PTPN22: variants seen among roughly 807,000 people sequenced by gnomAD.
The protein encoded by PTPN22 is protein tyrosine phosphatase non-receptor type 22.
A neutral mutation model predicts 103.3 loss-of-function variants in PTPN22; 85 were observed. That is an observed-to-expected ratio of 0.82 (90% CI 0.69 to 0.99). PTPN22 has a LOEUF of 0.99. Among genes scored for constraint, PTPN22 ranks in the 50% least tolerant of loss-of-function variants. PTPN22 has a pLI of 0.00. For missense variants in PTPN22, 865 were observed against 936.9 expected (o/e 0.92, Z 1.00); for synonymous variants, 323 against 310.2 (o/e 1.04, Z -0.43).
Position 113,855,059 on chromosome 1 carries a change from G to T in PTPN22, c.541-10C>A. ...AGATAGTTCGAGTTTCCTATAAAAA[G>T]TAGCCAGATGGGAGGGGAAGAGGGG... On this transcript the variant is annotated splice_polypyrimidine_tract_variant and intron_variant, in intron 7 of 20. Transcript: ENST00000359785. The T allele has an allele frequency of 2.5e-6, 4 of 1,604,080 alleles. No homozygotes were observed. Among genetic ancestry groups the T allele is most frequent in the Non-Finnish European group, 3.4e-6 (4 of 1,171,338 alleles).
chr1:113,831,765 C>T (rs1245775211), intron 16 of PTPN22, among the ~76,000 whole-genome samples: 1 of 152,154 alleles, frequency 6.6e-6, no homozygotes, highest in African/African-American at 2.4e-5. Flanking sequence ...TTCCCAGACT[C>T]CTGGTGATTA....
intron 7 of PTPN22, among the ~76,000 whole-genome samples, chr1:113,855,252 TG>T (rs1447519047): frequency 6.6e-6 from 1 of 152,132 alleles, no homozygotes; most frequent in Admixed American, 6.5e-5. Context: ...CCTAGCACTT[TG>T]GGAGGCCGAA....
intron 5 of PTPN22, 73 bp downstream of exon 5, chr1:113,857,665 C>T: frequency 7.1e-7 from 1 of 1,416,978 alleles, no homozygotes; most frequent in Non-Finnish European, 9.9e-7. Flanking sequence ...CAGGTAAGTT[C>T]TGCTGCCAAT....
Position 113,859,529 on chromosome 1 carries a change from T to C in PTPN22, c.88-69A>G, listed in dbSNP as rs900232523. 9 of 1,270,496 alleles carry C rather than the reference T, an allele frequency of 7.1e-6. No individual in the cohort carries two copies. In the African/African-American group the frequency reaches 1.4e-4, roughly 20 times the overall value. The allele number at this position is 1,270,496 out of a possible 1,614,324, so 78.7% of individuals were successfully genotyped here. A position where few individuals can be genotyped will look rare whatever the true frequency, so the allele number is the denominator to read the frequency against. The stretch of plus-strand genomic sequence containing the variant: ...AGGTAAGAAGCTATCTCTAAAGAGC[T>C]TTCCTTTTCCACTGGCAAAACATTC... On this transcript the variant is annotated intron_variant, in intron 1 of 20. Transcript: ENST00000359785.
rs551330979 is a variant in PTPN22 at position 113,829,656 on chromosome 1, A to G, written c.2186T>C (p.Met729Thr). ...CTGTTTTGAAGATGTTGAATTTTCC[A>G]TGGTGTCAGGATAGCTAGTAGAATA... The change falls in exon 18 of 21, where the codon ATG becomes ACG. Residue 729 changes from methionine to threonine, a missense_variant. Physicochemically the swap from Met to Thr is moderately conservative, Grantham distance 81. This residue lies in a region of PTPN22 where 401 missense variants were observed against 388.6 expected (regional missense o/e 1.03). Transcript: ENST00000359785. 42 of 1,610,012 alleles carry G rather than the reference A, an allele frequency of 2.6e-5. No individual in the cohort carries two copies. The South Asian group carries it at 4.4e-4, about 17-fold the overall frequency.
intron 7 of PTPN22, among the ~76,000 whole-genome samples, chr1:113,855,642 A>G (rs1664990189): frequency 6.6e-6 from 1 of 152,156 alleles, no homozygotes; most frequent in Non-Finnish European, 1.5e-5. Context: ...TCCTTTTTGA[A>G]ATTTATTCCG....
At position 113,824,263 on chromosome 1, in the gene PTPN22, G is replaced by A. The variant is rs910098676; in HGVS notation, c.2281+879C>T. 7.9e-5 allele frequency among the ~76,000 whole-genome samples: 12 copies of A among 152,088 alleles called. No homozygotes were observed. The South Asian group carries it at 1.9e-3, about 24-fold the overall frequency. On this transcript the variant is annotated intron_variant, in intron 19 of 20. Transcript: ENST00000359785. ...ACTACAGGTGCATGCCACCACACCCGGCTAATTTTTGTATTTTTAGTAGAG... is the reference window on the plus strand; with the variant it reads ...ACTACAGGTGCATGCCACCACACCCAGCTAATTTTTGTATTTTTAGTAGAG...
intron 20 of PTPN22, among the ~76,000 whole-genome samples, chr1:113,818,469 A>G (rs1342660242): frequency 6.6e-6 from 1 of 152,086 alleles, no homozygotes; most frequent in Non-Finnish European, 1.5e-5. Context: ...AGCCTAAATT[A>G]TAACTTTTTA....
At chr1:113,829,552 A>G (rs747783268) in intron 18 of PTPN22, 40 bp downstream of exon 18, 21 of 1,215,616 alleles carry the variant, frequency 1.7e-5, no homozygotes, top group Non-Finnish European at 2.4e-5. Context: ...CAGTAAGGGA[A>G]AGTTTCCGGC....
At position 113,848,536 on chromosome 1, in the gene PTPN22, T is replaced by G; in HGVS notation, c.915+4A>C. ...TTTGACATAATATCTAGTTTAAATTTTACCTCTGTTCCAGAATGTTTATCT... is the reference window on the plus strand; with the variant it reads ...TTTGACATAATATCTAGTTTAAATTGTACCTCTGTTCCAGAATGTTTATCT... On this transcript the variant is annotated splice_donor_region_variant and intron_variant, in intron 11 of 20. Coordinates refer to ENST00000359785, the Ensembl canonical transcript of PTPN22. 1 of 1,611,888 alleles carries G rather than the reference T, an allele frequency of 6.2e-7. No homozygotes were observed.
At chr1:113,835,299 AC>A (rs1487491423) in intron 13 of PTPN22, among the ~76,000 whole-genome samples, 1 of 152,160 alleles carries the variant, frequency 6.6e-6, no homozygotes, top group Non-Finnish European at 1.5e-5. Context: ...CGGGCAGATC[AC>A]AAGGTCAGGA....
intron 19 of PTPN22, among the ~76,000 whole-genome samples, chr1:113,820,127 A>T (rs1470982980): frequency 6.6e-6 from 1 of 151,966 alleles, no homozygotes; most frequent in Non-Finnish European, 1.5e-5. Flanking sequence ...TCCACTTTCC[A>T]GCCTGATTTT....
chr1:113,854,449 G>A (rs182851787), intron 9 of PTPN22, 22 bp downstream of exon 9: 54 of 1,596,820 alleles, frequency 3.4e-5, no homozygotes, highest in Non-Finnish European at 4.6e-5. Context: ...CAAATGGGAA[G>A]TGCCTGCTGA....
At position 113,843,569 on chromosome 1, in the gene PTPN22, G is replaced by T. The variant is rs140021098; in HGVS notation, c.916-4949C>A. On this transcript the variant is annotated intron_variant, in intron 11 of 20. Coordinates refer to ENST00000359785, the Ensembl canonical transcript of PTPN22. ...GGAGTTATTGTTTAATGGATACAGA[G>T]GGTCTGTTTAGAATAATGAAAGTTC... Among the ~76,000 whole-genome samples the T allele has an allele frequency of 2.3e-3, 344 of 152,212 alleles. 4 individuals are homozygous for T. The highest frequency in any genetic ancestry group is 7.9e-3 in the African/African-American group (329 of 41,536).
intron 1 of PTPN22, among the ~76,000 whole-genome samples, chr1:113,867,601 T>C (rs576958294): frequency 1.3e-5 from 2 of 152,344 alleles, no homozygotes; most frequent in Admixed American, 1.3e-4. Context: ...ACATATCTAT[T>C]GCCTTATAAC....
At chr1:113,864,614 CAAAAA>C (rs34054118) in intron 1 of PTPN22, among the ~76,000 whole-genome samples, 2 of 70,942 alleles carry the variant, frequency 2.8e-5, no homozygotes, top group Non-Finnish European at 5.4e-5. Context: ...GGCCCTGTCT[CAAAAA>C]AAAAAAAAAA....
intron 1 of PTPN22, 39 bp downstream of exon 1, chr1:113,871,498 G>A: frequency 6.5e-7 from 1 of 1,549,502 alleles, no homozygotes; most frequent in South Asian, 1.1e-5. Flanking sequence ...GTTAAATAGT[G>A]TATGTAACTA....
rs994678118 is a variant in PTPN22, at chr1:113,832,813, G to GTT, written c.2053+296_2053+297dup. 3 of 277,044 alleles carry GTT rather than the reference G, an allele frequency of 1.1e-5. No homozygotes were observed. The Admixed American group carries it at 1.6e-4, about 15-fold the overall frequency. 17.2% of individuals were successfully genotyped at this position (277,044 alleles called of 1,614,324 possible). A position where few individuals can be genotyped will look rare whatever the true frequency, so the allele number is the denominator to read the frequency against. ...CAGAAATAATTTTTTGAATCACACT[G>GTT]TTAACAGTGGGAAAATCTCTATAGT... On this transcript the variant is annotated intron_variant, in intron 16 of 20. Coordinates refer to ENST00000359785, the Ensembl canonical transcript of PTPN22.
exon 12 of PTPN22, chr1:113,838,566 A>T (rs963278586): frequency 6.2e-7 from 1 of 1,613,606 alleles, no homozygotes; most frequent in African/African-American, 1.3e-5. Context: ...TTAGGAGAAT[A>T]AGAGTCTGCT....
Sources: allele counts gnomAD v4.1 joint callset (sites outside exome capture counted in the v4.1 genomes callset), GRCh38; gene constraint gnomAD v4.1.1; regional missense constraint gnomAD v4.1.1; transcripts MANE v1.5; gene names NCBI Gene and HGNC (gene_info 2026-07-23, HGNC 2026-07-21).